Variants in CYTH3 observed in about 807,000 individuals in gnomAD.
CYTH3 encodes the protein cytohesin 3.
Under a neutral mutation model 55.1 loss-of-function variants are expected in CYTH3, and 23 were observed. The ratio of observed to expected loss-of-function variants is 0.42; its 90% CI spans 0.30 to 0.59. CYTH3 has a LOEUF of 0.59. Among genes scored for constraint, CYTH3 ranks in the 20% least tolerant of loss-of-function variants. CYTH3 has a pLI of 0.20. For missense variants in CYTH3, 413 were observed against 524.8 expected, an observed-to-expected ratio of 0.79 and a Z score of 2.08; for synonymous variants, 249 against 194.9, an observed-to-expected ratio of 1.28 and a Z score of -2.31.
intron 1 of CYTH3, among the ~76,000 whole-genome samples, chr7:6,266,127 C>T (rs1429139938): frequency 6.6e-6 from 1 of 152,106 alleles, no homozygotes; most frequent in African/African-American, 2.4e-5. Context: ...TAACTCTCAC[C>T]TGAACCACTG....
At chr7:6,232,269 C>T (rs1315187755) in intron 1 of CYTH3, among the ~76,000 whole-genome samples, 1 of 152,122 alleles carries the variant, frequency 6.6e-6, no homozygotes, top group Non-Finnish European at 1.5e-5. Flanking sequence ...TTCAAGGAGG[C>T]CTTAAGAGTT....
At chr7:6,258,741 T>C (rs187359822) in intron 1 of CYTH3, among the ~76,000 whole-genome samples, 2 of 152,304 alleles carry the variant, frequency 1.3e-5, no homozygotes, top group East Asian at 3.9e-4. Flanking sequence ...CATTTTATGG[T>C]TTCAAATCAA....
intron 1 of CYTH3, among the ~76,000 whole-genome samples, chr7:6,217,272 A>G (rs1275150536): frequency 6.6e-6 from 1 of 152,222 alleles, no homozygotes; most frequent in African/African-American, 2.4e-5. Context: ...AAAGATTGGC[A>G]GAGTAGAATT....
chr7:6,231,642 T>C (rs1383281200), intron 1 of CYTH3, among the ~76,000 whole-genome samples: 2 of 152,196 alleles, frequency 1.3e-5, no homozygotes, highest in Admixed American at 6.5e-5. Flanking sequence ...CAAACAAATA[T>C]GAGTCTTTGG....
rs889876640 is a variant in CYTH3, at chr7:6,167,449, C to T, written c.824-1639G>A. 5.3e-5 allele frequency among the ~76,000 whole-genome samples: 8 copies of T among 152,228 alleles called. No individual in the cohort carries two copies. The highest frequency in any genetic ancestry group is 1.7e-4 in the African/African-American group (7 of 41,464). The stretch of plus-strand genomic sequence containing the variant: ...ACAGCAACTCCACTACCCTGACATC[C>T]GTCACTGTCACGGTCGCCTCTGCTT... On this transcript the variant is annotated intron_variant, in intron 9 of 12. Coordinates refer to ENST00000350796, the MANE Select transcript of CYTH3 (RefSeq NM_004227.4). This position sits in a 1 kb window ranked among gnomAD's most constrained non-coding sequence, Gnocchi z 5.5.
At chr7:6,232,318 A>C (rs1483736483) in intron 1 of CYTH3, among the ~76,000 whole-genome samples, 2 of 152,176 alleles carry the variant, frequency 1.3e-5, no homozygotes, top group African/African-American at 2.4e-5. Context: ...CTCTTAGATT[A>C]AGCAAGCTCT....
At chr7:6,173,354 G>C (rs1583739623) in intron 6 of CYTH3, among the ~76,000 whole-genome samples, 1 of 152,306 alleles carries the variant, frequency 6.6e-6, no homozygotes, top group South Asian at 2.1e-4. Flanking sequence ...TACAGAGCTT[G>C]GGAACAAGGC....
rs144900282 is a variant in CYTH3, at chr7:6,251,983, T to C, written c.34+20491A>G. On this transcript the variant is annotated intron_variant, in intron 1 of 12. Coordinates refer to ENST00000350796, the MANE Select transcript of CYTH3 (RefSeq NM_004227.4). The stretch of plus-strand genomic sequence containing the variant: ...AATCACTAGTCTTATGATCATTACA[T>C]TGATCATAAAAACCACTTTAAAACA... Among the ~76,000 whole-genome samples the C allele has an allele frequency of 7.2e-4, 110 of 152,346 alleles. 1 individual carries two copies. The highest frequency in any genetic ancestry group is 2.5e-3 in the African/African-American group (104 of 41,584).
chr7:6,269,869 A>C (rs1467102190), intron 1 of CYTH3, among the ~76,000 whole-genome samples: 3 of 152,204 alleles, frequency 2.0e-5, no homozygotes, highest in African/African-American at 7.2e-5. Context: ...CTGACCATTA[A>C]CAAAAAAAAG....
intron 1 of CYTH3, among the ~76,000 whole-genome samples, chr7:6,203,317 T>C (rs777798079): frequency 2.8e-4 from 42 of 152,198 alleles, no homozygotes; most frequent in East Asian, 1.9e-4. Context: ...TTGAAGTGAA[T>C]TGTGACATTT....
chr7:6,240,292 C>CAAAAAA (rs60884841), intron 1 of CYTH3, among the ~76,000 whole-genome samples: 10 of 60,498 alleles, frequency 1.7e-4, no homozygotes, highest in Middle Eastern at 7.9e-3. Context: ...GACTCCATCT[C>CAAAAAA]AAAAAAAAAA....
chr7:6,271,749 A>AGCACACCTGGCTCCGG (rs1272102464), intron 1 of CYTH3, among the ~76,000 whole-genome samples: 2 of 152,222 alleles, frequency 1.3e-5, no homozygotes, highest in East Asian at 3.9e-4. Context: ...CCCACTCGGG[A>AGCACACCTGGCTCCGG]GCACACCTGG....
rs1783230254 is a variant in CYTH3 at position 6,172,581 on chromosome 7, G to A, written c.449+1072C>T. On this transcript the variant is annotated intron_variant, in intron 6 of 12. Coordinates refer to ENST00000350796, the MANE Select transcript of CYTH3 (RefSeq NM_004227.4). Reference sequence around the variant, plus strand: ...CTGCCTGTATTCCCGCCCATCCTGTGCCTCCATCAGGCCCTCTACGGGGCT... The same window carrying A: ...CTGCCTGTATTCCCGCCCATCCTGTACCTCCATCAGGCCCTCTACGGGGCT... The A allele has an allele frequency of 1.6e-5, 7 of 450,334 alleles. No individual in the cohort carries two copies. The South Asian group carries it at 3.2e-4, about 21-fold the overall frequency. 27.9% of individuals were successfully genotyped at this position (450,334 alleles called of 1,614,324 possible). A position where few individuals can be genotyped will look rare whatever the true frequency, so the allele number is the denominator to read the frequency against.
intron 1 of CYTH3, among the ~76,000 whole-genome samples, chr7:6,266,798 A>G (rs1780504358): frequency 6.6e-6 from 1 of 152,158 alleles, no homozygotes; most frequent in Non-Finnish European, 1.5e-5. Flanking sequence ...ATACATGATT[A>G]TTTTATATAT....
intron 1 of CYTH3, among the ~76,000 whole-genome samples, chr7:6,226,158 G>A (rs1410861935): frequency 6.6e-6 from 1 of 152,210 alleles, no homozygotes; most frequent in Non-Finnish European, 1.5e-5. Flanking sequence ...CAATGCATCT[G>A]TGATTGGCTT....
At chr7:6,175,782 G>C (rs887444539) in intron 5 of CYTH3, among the ~76,000 whole-genome samples, 10 of 151,996 alleles carry the variant, frequency 6.6e-5, no homozygotes, top group African/African-American at 2.4e-5. Flanking sequence ...CCTGACCTCA[G>C]GTGATCTGCC....
chr7:6,255,245 C>T (rs527392682), intron 1 of CYTH3, among the ~76,000 whole-genome samples: 81 of 152,202 alleles, frequency 5.3e-4, no homozygotes, highest in Middle Eastern at 3.4e-3. Flanking sequence ...TTTGTCAACA[C>T]CAATCAGGCT....
intron 1 of CYTH3, among the ~76,000 whole-genome samples, chr7:6,263,581 A>G (rs896823934): frequency 4.6e-5 from 7 of 152,144 alleles, no homozygotes; most frequent in African/African-American, 1.7e-4. Flanking sequence ...GGATCACTTG[A>G]GGTCAGGAGT....
chr7:6,227,886 T>C (rs1215153189), intron 1 of CYTH3, among the ~76,000 whole-genome samples: 1 of 152,154 alleles, frequency 6.6e-6, no homozygotes, highest in Non-Finnish European at 1.5e-5. Flanking sequence ...TGAACCAGGG[T>C]ATACAAGTGC....
Sources: allele counts gnomAD v4.1 joint callset (sites outside exome capture counted in the v4.1 genomes callset), GRCh38; gene constraint gnomAD v4.1.1; non-coding constraint Gnocchi (gnomAD v3.1); transcripts MANE v1.5; gene names NCBI Gene and HGNC (gene_info 2026-07-23, HGNC 2026-07-21).